Variants in MACROD2 observed in about 807,000 individuals in gnomAD.
MACROD2 encodes the protein ADP-ribose glycohydrolase MACROD2.
In MACROD2, 36 loss-of-function variants were observed where a neutral mutation model predicts 70.4. The ratio of observed to expected loss-of-function variants is 0.51; its 90% CI spans 0.39 to 0.68. The LOEUF is 0.68. Ranked by LOEUF, MACROD2 falls within the 30% of genes least tolerant of loss-of-function variation. MACROD2 has a pLI of 0.00. For synonymous variants in MACROD2, 172 were observed against 178.8 expected (o/e 0.96, Z 0.30); for missense variants, 496 against 538.4 (o/e 0.92, Z 0.78).
chr20:14,794,499 T>C (rs1010961213), intron 5 of MACROD2, among the ~76,000 whole-genome samples: 4 of 152,134 alleles, frequency 2.6e-5, no homozygotes, highest in African/African-American at 9.7e-5. Flanking sequence ...GTTAAACATT[T>C]ATTAAATGCA....
chr20:15,399,454 T>G (rs1017128563), intron 6 of MACROD2, among the ~76,000 whole-genome samples: 5 of 152,214 alleles, frequency 3.3e-5, no homozygotes, highest in South Asian at 4.1e-4. Context: ...GGAGCATATA[T>G]CTAGCATGCA....
intron 6 of MACROD2, among the ~76,000 whole-genome samples, chr20:15,376,092 C>T (rs1199127835): frequency 6.6e-6 from 1 of 152,094 alleles, no homozygotes; most frequent in Non-Finnish European, 1.5e-5. Flanking sequence ...TCCTTGAGAA[C>T]TTGTCAGAGC....
intron 5 of MACROD2, among the ~76,000 whole-genome samples, chr20:14,735,936 G>A (rs1301682425): frequency 6.6e-6 from 1 of 152,142 alleles, no homozygotes; most frequent in Admixed American, 6.6e-5. Context: ...TATGTAAAAT[G>A]TAGAATTACC....
chr20:14,763,114 A>G (rs2072039028), intron 5 of MACROD2, among the ~76,000 whole-genome samples: 1 of 152,072 alleles, frequency 6.6e-6, no homozygotes, highest in African/African-American at 2.4e-5. Context: ...GATGTTAAGG[A>G]ATGAATGAAA....
chr20:15,312,137 A>G (rs1286270506), intron 6 of MACROD2, among the ~76,000 whole-genome samples: 1 of 152,186 alleles, frequency 6.6e-6, no homozygotes, highest in East Asian at 1.9e-4. Context: ...TAGAGAGACT[A>G]TCTTTGAACT....
intron 5 of MACROD2, among the ~76,000 whole-genome samples, chr20:14,784,285 A>C (rs2072337094): frequency 1.3e-5 from 2 of 151,994 alleles, no homozygotes; most frequent in African/African-American, 4.8e-5. Flanking sequence ...TTAATACCCC[A>C]AGAGTTCTTG....
At chr20:15,651,431 C>T (rs2146796444) in intron 8 of MACROD2, among the ~76,000 whole-genome samples, 1 of 152,284 alleles carries the variant, frequency 6.6e-6, no homozygotes, top group East Asian at 1.9e-4. Context: ...CTCTGTGACC[C>T]AGAACTTGCA....
chr20:15,447,080 G>GTGTGTGTGTGTGTC (rs1159210311), intron 7 of MACROD2, among the ~76,000 whole-genome samples: 20 of 146,818 alleles, frequency 1.4e-4, no homozygotes, highest in Admixed American at 6.8e-5. Context: ...GTGTGTGTGT[G>GTGTGTGTGTGTGTC]TGTGTGTCTG....
chr20:15,176,814 G>T (rs1287404177), intron 5 of MACROD2, among the ~76,000 whole-genome samples: 4 of 152,172 alleles, frequency 2.6e-5, no homozygotes, highest in Non-Finnish European at 5.9e-5. Context: ...GAGAAGAGCT[G>T]CATCCCTTCA....
intron 12 of MACROD2, among the ~76,000 whole-genome samples, chr20:15,954,908 A>G (rs1158827913): frequency 1.3e-5 from 2 of 152,186 alleles, no homozygotes; most frequent in Non-Finnish European, 2.9e-5. Context: ...ATCCCACTTT[A>G]CAAATGAGGA....
At chr20:13,996,368 C>T (rs953407577) in intron 1 of MACROD2, 1 of 160,322 alleles carries the variant, frequency 6.2e-6, no homozygotes, top group Non-Finnish European at 1.3e-5. Context: ...GCTGCCGCAG[C>T]GTGACTTTTG....
At chr20:15,791,371 G>T (rs1455372748) in intron 8 of MACROD2, among the ~76,000 whole-genome samples, 1 of 151,708 alleles carries the variant, frequency 6.6e-6, no homozygotes, top group African/African-American at 2.4e-5. Flanking sequence ...ACCAAGGTAG[G>T]CCATGTCAAT....
intron 5 of MACROD2, among the ~76,000 whole-genome samples, chr20:15,183,580 C>T (rs1487614996): frequency 2.0e-5 from 3 of 152,066 alleles, no homozygotes; most frequent in Non-Finnish European, 4.4e-5. Context: ...ATGCCCCATA[C>T]CTCTAGTATA....
In MACROD2 at chr20:15,925,733, A is replaced by C. The variant is rs150355575; in HGVS notation, c.776-7543A>C. Among the ~76,000 whole-genome samples the C allele has an allele frequency of 4.3e-4, 66 of 152,290 alleles. 1 individual carries two copies. The East Asian group carries it at 0.012, about 27-fold the overall frequency. On this transcript the variant is annotated intron_variant, in intron 10 of 17. Coordinates refer to ENST00000684519, the MANE Select transcript of MACROD2 (RefSeq NM_001351661.2). Reference sequence around the variant, plus strand: ...CAGTTTCATGCATTTCGTCTCTTTGAACACGTGTTATTAAACTGAAGTCCC... The same window carrying C: ...CAGTTTCATGCATTTCGTCTCTTTGCACACGTGTTATTAAACTGAAGTCCC...
intron 3 of MACROD2, among the ~76,000 whole-genome samples, chr20:14,090,357 G>A (rs968381615): frequency 3.3e-5 from 5 of 151,762 alleles, no homozygotes; most frequent in African/African-American, 4.8e-5. Flanking sequence ...GGTGGATCAT[G>A]AGGTCAGGAG....
At chr20:14,682,562 T>C (rs1305254193) in intron 4 of MACROD2, among the ~76,000 whole-genome samples, 1 of 152,004 alleles carries the variant, frequency 6.6e-6, no homozygotes, top group Non-Finnish European at 1.5e-5. Flanking sequence ...TATGTACTTT[T>C]CTAAACCTGG....
chr20:14,419,519 G>A (rs6105269), intron 3 of MACROD2, among the ~76,000 whole-genome samples: 45,139 of 152,076 alleles, frequency 0.3, 7,812 homozygotes, highest in South Asian at 0.59. Flanking sequence ...CTAGTTATTA[G>A]GGAATATATT....
chr20:14,816,358 T>C (rs1409741771), intron 5 of MACROD2, among the ~76,000 whole-genome samples: 1 of 152,040 alleles, frequency 6.6e-6, no homozygotes, highest in East Asian at 1.9e-4. Flanking sequence ...AAGTAAATAA[T>C]TCCTAACATT....
intron 5 of MACROD2, among the ~76,000 whole-genome samples, chr20:14,782,671 C>G (rs1309057367): frequency 6.6e-6 from 1 of 152,128 alleles, no homozygotes. Flanking sequence ...GAGACCTCCA[C>G]AGGGTTGGCG....
Sources: gnomAD v4.1 joint callset for allele counts (sites outside exome capture counted in the v4.1 genomes callset) on GRCh38, gnomAD v4.1.1 for gene constraint, MANE v1.5 for transcripts, NCBI Gene and HGNC (gene_info 2026-07-23, HGNC 2026-07-21) for gene names.